Variants in TRAF3 observed in about 807,000 individuals in gnomAD.
TRAF3 encodes TNF receptor associated factor 3.
In TRAF3, 13 loss-of-function variants were observed where a neutral mutation model predicts 62.3. The ratio of observed to expected loss-of-function variants is 0.21; its 90% CI spans 0.14 to 0.33. The LOEUF (loss-of-function observed/expected upper bound fraction) is 0.33, where lower values mean the gene tolerates loss of function less well. Among genes scored for constraint, TRAF3 ranks in the 10% least tolerant of loss-of-function variants. The pLI is 1.00. For missense variants in TRAF3, 440 were observed against 741.8 expected, an observed-to-expected ratio of 0.59 and a Z score of 4.73; for synonymous variants, 269 against 283.4, an observed-to-expected ratio of 0.95 and a Z score of 0.51.
At chr14:102,819,085 A>G (rs1899734214) in intron 1 of TRAF3, among the ~76,000 whole-genome samples, 1 of 151,700 alleles carries the variant, frequency 6.6e-6, no homozygotes, top group Non-Finnish European at 1.5e-5. Flanking sequence ...TTAAAAATTA[A>G]TTAATTTAAA....
intron 1 of TRAF3, among the ~76,000 whole-genome samples, chr14:102,781,968 A>G (rs1199178738): frequency 6.6e-6 from 1 of 151,364 alleles, no homozygotes; most frequent in East Asian, 2.0e-4. Context: ...TAATTTTTGT[A>G]TTTTTAGTAG....
chr14:102,890,632 T>C (rs1267175620), intron 8 of TRAF3, among the ~76,000 whole-genome samples: 1 of 152,246 alleles, frequency 6.6e-6, no homozygotes, highest in Non-Finnish European at 1.5e-5. Context: ...TGTGGCTTCT[T>C]AATTTTCTAA....
chr14:102,785,541 G>A (rs1167339666), intron 1 of TRAF3, among the ~76,000 whole-genome samples: 2 of 152,130 alleles, frequency 1.3e-5, no homozygotes, highest in South Asian at 2.1e-4. Context: ...CCCAAGGCCT[G>A]GTCACTCTGC....
chr14:102,904,273 G>A (rs1387123131), intron 11 of TRAF3, among the ~76,000 whole-genome samples: 3 of 152,216 alleles, frequency 2.0e-5, no homozygotes, highest in Non-Finnish European at 4.4e-5. Flanking sequence ...TGGTAGAACT[G>A]GGGCAGGGAC....
intron 1 of TRAF3, among the ~76,000 whole-genome samples, chr14:102,820,451 C>G (rs182499364): frequency 4.0e-5 from 6 of 151,098 alleles, no homozygotes; most frequent in Admixed American, 1.3e-4. Flanking sequence ...ATTCAACATA[C>G]GTTTTTCTGA....
intron 6 of TRAF3, among the ~76,000 whole-genome samples, chr14:102,878,614 A>G (rs1888858220): frequency 6.6e-6 from 1 of 152,176 alleles, no homozygotes; most frequent in Non-Finnish European, 1.5e-5. Flanking sequence ...ACAAATGTGT[A>G]ACATCGGGTA....
At chr14:102,834,690 A>T (rs1885877222) in intron 2 of TRAF3, among the ~76,000 whole-genome samples, 1 of 149,958 alleles carries the variant, frequency 6.7e-6, no homozygotes, top group South Asian at 2.1e-4. Context: ...TCCGTCTCAA[A>T]AAAAAAAAAA....
chr14:102,798,979 C>T (rs1047346275), intron 1 of TRAF3, among the ~76,000 whole-genome samples: 4 of 151,972 alleles, frequency 2.6e-5, no homozygotes, highest in East Asian at 1.9e-4. Flanking sequence ...AAGCTAATAC[C>T]GAGGTCAGAA....
intron 1 of TRAF3, among the ~76,000 whole-genome samples, chr14:102,805,639 C>T (rs1171274582): frequency 6.6e-6 from 1 of 152,148 alleles, no homozygotes; most frequent in African/African-American, 2.4e-5. Flanking sequence ...TCGGTGATTC[C>T]ATGCAGTTTT....
At chr14:102,819,154 C>T (rs987578149) in intron 1 of TRAF3, among the ~76,000 whole-genome samples, 1 of 152,136 alleles carries the variant, frequency 6.6e-6, no homozygotes, top group African/African-American at 2.4e-5. Flanking sequence ...CCCAAGACCC[C>T]CTCCCCTGCC....
intron 1 of TRAF3, among the ~76,000 whole-genome samples, chr14:102,811,337 T>C (rs1477114863): frequency 6.6e-6 from 1 of 151,784 alleles, no homozygotes; most frequent in African/African-American, 2.4e-5. Flanking sequence ...CTTGCTATGT[T>C]GCCTCAGGCG....
At chr14:102,781,090 G>A (rs1236951050) in intron 1 of TRAF3, among the ~76,000 whole-genome samples, 1 of 152,238 alleles carries the variant, frequency 6.6e-6, no homozygotes, top group Admixed American at 6.5e-5. Context: ...ATAAGGGAAA[G>A]AGAAAGTCTT....
In TRAF3 at chr14:102,905,527, G is replaced by A; in HGVS notation, c.1450G>A (p.Ala484Thr). 12 of 1,614,190 alleles carry A rather than the reference G, an allele frequency of 7.4e-6. No individual in the cohort carries two copies. The highest frequency in any genetic ancestry group is 1.0e-5 in the Non-Finnish European group (12 of 1,180,034). The part of the protein sequence containing the change: ...FFVIMRGEYD[A>T]LLPWPFKQKV... Reference sequence around the variant, plus strand: ...TGTCATCATGCGTGGAGAATATGATGCCCTGCTTCCTTGGCCGTTTAAGCA... The same window carrying A: ...TGTCATCATGCGTGGAGAATATGATACCCTGCTTCCTTGGCCGTTTAAGCA... Residue 484 changes from alanine (A) to threonine (T), a missense_variant, in exon 12 of 12, where the codon GCC becomes ACC. By Grantham distance (58) the Ala-to-Thr change is moderately conservative. Coordinates refer to ENST00000392745, the MANE Select transcript of TRAF3 (RefSeq NM_145725.3).
chr14:102,849,638 G>T (rs187564806), intron 2 of TRAF3, among the ~76,000 whole-genome samples: 1 of 152,272 alleles, frequency 6.6e-6, no homozygotes, highest in East Asian at 1.9e-4. Context: ...GTCCTAAGGG[G>T]GCTTTTCATG....
chr14:102,891,775 C>G (rs143964798), intron 9 of TRAF3, among the ~76,000 whole-genome samples: 176 of 152,112 alleles, frequency 1.2e-3, no homozygotes, highest in African/African-American at 4.0e-3. Context: ...TTGTCTGTGG[C>G]TTCTTTTGCT....
At chr14:102,824,361 G>A (rs543037193) in intron 1 of TRAF3, among the ~76,000 whole-genome samples, 1 of 152,160 alleles carries the variant, frequency 6.6e-6, no homozygotes, top group Non-Finnish European at 1.5e-5. Context: ...GTCTTATCCT[G>A]TATAGATTTT....
In TRAF3 at chr14:102,906,151, A is replaced by G. The variant is rs2140013723; in HGVS notation, c.*367A>G. 5.2e-6 allele frequency: 1 copy of G among 193,216 alleles called. No individual in the cohort carries two copies. Among genetic ancestry groups the G allele is most frequent in the Middle Eastern group, 2.3e-3 (1 of 432 alleles). The allele number at this position is 193,216 out of a possible 1,614,324, so 12.0% of individuals were successfully genotyped here. On this transcript the variant is annotated 3_prime_UTR_variant, in exon 12 of 12. Transcript: ENST00000392745. Reference sequence around the variant, plus strand: ...ACCAAAAAAACACACACACACACACACGTGGGGATAGCTGGACATGTCAGC... The same window carrying G: ...ACCAAAAAAACACACACACACACACGCGTGGGGATAGCTGGACATGTCAGC...
chr14:102,834,002 A>AG lies in TRAF3; in HGVS notation c.-18+3531dup, dbSNP rs60744643. On this transcript the variant is annotated intron_variant, in intron 2 of 11. Transcript: ENST00000392745. ...AGACTTTGTCTCGGGGGGAAAAAAAAGAATATTTGGGCGTGCATACTGCCC... is the reference window on the plus strand; with the variant it reads ...AGACTTTGTCTCGGGGGGAAAAAAAAGGAATATTTGGGCGTGCATACTGCCC... 2.7e-5 allele frequency among the ~76,000 whole-genome samples: 4 copies of AG among 149,974 alleles called. 1 individual carries two copies. Among genetic ancestry groups the AG allele is most frequent in the Middle Eastern group, 6.9e-3 (2 of 290 alleles).
At chr14:102,792,079 G>A (rs1485579693) in intron 1 of TRAF3, among the ~76,000 whole-genome samples, 2 of 146,242 alleles carry the variant, frequency 1.4e-5, no homozygotes, top group South Asian at 2.1e-4. Context: ...CTCCCAAAGT[G>A]CTGGGATTAC....
Sources: gnomAD v4.1 joint callset for allele counts (sites outside exome capture counted in the v4.1 genomes callset) on GRCh38, gnomAD v4.1.1 for gene constraint, MANE v1.5 for transcripts, NCBI Gene and HGNC (gene_info 2026-07-23, HGNC 2026-07-21) for gene names.